PPP6R1: variants seen among roughly 807,000 people sequenced by gnomAD.
The protein encoded by PPP6R1 is protein phosphatase 6 regulatory subunit 1.
In PPP6R1, 39 loss-of-function variants were observed where a neutral mutation model predicts 104.6. That is an observed-to-expected ratio of 0.37 (90% confidence interval 0.29 to 0.49). The LOEUF (loss-of-function observed/expected upper bound fraction) is 0.49. Ranked by LOEUF, PPP6R1 falls within the 20% of genes least tolerant of loss-of-function variation. The pLI, the probability that PPP6R1 is intolerant of heterozygous loss-of-function variation, is 0.98. For synonymous variants in PPP6R1, 549 were observed against 479.0 expected, an observed-to-expected ratio of 1.15 and a Z score of -1.91; for missense variants, 1,181 against 1,155.8, an observed-to-expected ratio of 1.02 and a Z score of -0.32.
At chr19:55,257,898 G>A (rs2087606009) in intron 1 of PPP6R1, among the ~76,000 whole-genome samples, 1 of 152,244 alleles carries the variant, frequency 6.6e-6, no homozygotes, top group African/African-American at 2.4e-5. Context: ...CTCCAGAGAA[G>A]CCCCGCTCCC....
chr19:55,245,057 T>C lies in PPP6R1; in HGVS notation c.618+63A>G. On this transcript the variant is annotated intron_variant, in intron 5 of 23. Coordinates refer to ENST00000412770, the MANE Select transcript of PPP6R1 (RefSeq NM_014931.4). The surrounding 1 kb of genome is among the most constrained non-coding windows in gnomAD (Gnocchi z 6.4). ...CCAGCCCCAATTCCTCTTTTAAAAG[T>C]GGGGAAGTGGGCATGGGGAAGGAAC... is the stretch of plus-strand genomic sequence containing the variant. 1 of 1,581,956 alleles carries C rather than the reference T, an allele frequency of 6.3e-7. No homozygotes were observed. The highest frequency in any genetic ancestry group is 8.6e-7 in the Non-Finnish European group (1 of 1,161,448).
At chr19:55,233,771 G>C (rs547520770) in intron 17 of PPP6R1, among the ~76,000 whole-genome samples, 22 of 152,256 alleles carry the variant, frequency 1.4e-4, no homozygotes, top group African/African-American at 5.3e-4. Context: ...ATTGTTGAAA[G>C]AAATTTTAAG....
In PPP6R1 at chr19:55,245,800, C is replaced by T. The variant is rs1209406856; in HGVS notation, c.228-122G>A. 3 of 818,610 alleles carry T rather than the reference C, an allele frequency of 3.7e-6. No individual in the cohort carries two copies. Among genetic ancestry groups the T allele is most frequent in the Admixed American group, 2.5e-5 (1 of 39,964 alleles). The allele number at this position is 818,610 out of a possible 1,614,324, so 50.7% of individuals were successfully genotyped here. A position where few individuals can be genotyped will look rare whatever the true frequency, so the allele number is the denominator to read the frequency against. On this transcript the variant is annotated intron_variant, in intron 2 of 23. Transcript: ENST00000412770. The surrounding 1 kb of genome is among the most constrained non-coding windows in gnomAD (Gnocchi z 6.4). ...TCTGGGAACTGCAGAGACCCCTGTC[C>T]AGGAAGGGGAAAGGGCAGAGGACAG...
intron 17 of PPP6R1, 100 bp from the exon 18 acceptor site, chr19:55,232,311 G>A (rs1018446056): frequency 6.9e-7 from 1 of 1,443,554 alleles, no homozygotes; most frequent in East Asian, 2.5e-5. Context: ...AGAGCGGGCT[G>A]GGATGACAGG....
At chr19:55,237,295 G>T (rs968115215) in intron 15 of PPP6R1, among the ~76,000 whole-genome samples, 3 of 152,142 alleles carry the variant, frequency 2.0e-5, no homozygotes, top group African/African-American at 7.2e-5. Flanking sequence ...GCCAGAGAGG[G>T]ATTCAGATCC....
At chr19:55,236,320 A>G (rs2048219914) in intron 17 of PPP6R1, 1 of 260,916 alleles carries the variant, frequency 3.8e-6, no homozygotes, top group Non-Finnish European at 7.2e-6. Flanking sequence ...ATGCCCATCT[A>G]ACTTTTGTAT....
downstream of PPP6R1, chr19:55,228,626 C>T (rs534192361): frequency 1.1e-4 from 173 of 1,566,042 alleles, 2 homozygotes; most frequent in South Asian, 1.0e-3. Context: ...CTCCCAGACC[C>T]GCCGGCTGCT....
chr19:55,245,260 C>T lies in PPP6R1; in HGVS notation c.552+5G>A. On this transcript the variant is annotated splice_donor_5th_base_variant and intron_variant, in intron 4 of 23. Coordinates refer to ENST00000412770, the MANE Select transcript of PPP6R1 (RefSeq NM_014931.4). The surrounding 1 kb of genome is among the most constrained non-coding windows in gnomAD (Gnocchi z 6.4). ...CCCACCCCCAGAGGAGCCGGCCCTG[C>T]TCACATTGACAACATCCTGCCTCAG... The T allele has an allele frequency of 1.9e-6, 3 of 1,596,752 alleles. No homozygotes were observed. Among genetic ancestry groups the T allele is most frequent in the Non-Finnish European group, 1.7e-6 (2 of 1,172,104 alleles).
chr19:55,241,707 C>A lies in PPP6R1; in HGVS notation c.846-68G>T. 6.8e-7 allele frequency: 1 copy of A among 1,464,618 alleles called. No homozygotes were observed. Among genetic ancestry groups the A allele is most frequent in the Admixed American group, 2.5e-5 (1 of 40,274 alleles). 90.7% of individuals were successfully genotyped at this position (1,464,618 alleles called of 1,614,324 possible). A position where few individuals can be genotyped will look rare whatever the true frequency, so the allele number is the denominator to read the frequency against. On this transcript the variant is annotated intron_variant, in intron 7 of 23. Transcript: ENST00000412770. This position sits in a 1 kb window ranked among gnomAD's most constrained non-coding sequence, Gnocchi z 5.4. ...CTGTGCGCCCACACAGGAGTAGGCA[C>A]AAGGACCACGTCTGCAGGGTCTGGA...
In PPP6R1 at chr19:55,242,393, C is replaced by A; in HGVS notation, c.714G>T (p.Leu238=). The change falls in exon 6 of 24, where the codon CTG becomes CTT. Residue 238 remains leucine, a synonymous_variant. Transcript: ENST00000412770. ...ACACCCACTTCTCCAGGGTGGCCAGCAGTTGGTCAGGCTCTGGGCTGTCCT... is the reference window on the plus strand; with the variant it reads ...ACACCCACTTCTCCAGGGTGGCCAGAAGTTGGTCAGGCTCTGGGCTGTCCT... ...QVQDSPEPDQ[L]LATLEKQETI... 6.2e-7 allele frequency: 1 copy of A among 1,613,760 alleles called. No homozygotes were observed. The highest frequency in any genetic ancestry group is 8.5e-7 in the Non-Finnish European group (1 of 1,179,640).
In PPP6R1 at chr19:55,245,006, G is replaced by A. The variant is rs1020675981; in HGVS notation, c.618+114C>T. 9.6e-6 allele frequency: 14 copies of A among 1,465,304 alleles called. No individual in the cohort carries two copies. The highest frequency in any genetic ancestry group is 1.2e-5 in the Non-Finnish European group (13 of 1,076,230). 90.8% of individuals were successfully genotyped at this position (1,465,304 alleles called of 1,614,324 possible). On this transcript the variant is annotated intron_variant, in intron 5 of 23. Coordinates refer to ENST00000412770, the MANE Select transcript of PPP6R1 (RefSeq NM_014931.4). The surrounding 1 kb of genome is among the most constrained non-coding windows in gnomAD (Gnocchi z 6.4). ...TCCCACCTCGCCCTCCCAAAGTGCT[G>A]GAATTACAGGCGTGAGCCACTGCGT...
In PPP6R1 at chr19:55,257,485, G is replaced by T. The variant is rs540163060; in HGVS notation, c.-7+950C>A. Among the ~76,000 whole-genome samples, 5 of 152,322 alleles carry T rather than the reference G, an allele frequency of 3.3e-5. No individual in the cohort carries two copies. In the South Asian group the frequency reaches 8.3e-4, roughly 25 times the overall value. On this transcript the variant is annotated intron_variant, in intron 1 of 23. Transcript: ENST00000412770. ...GAGGCCTGGATAAGCACGCCGGGCG[G>T]AACTACTCTGCCCCTCACCCTCCCA...
chr19:55,230,734 C>T, intron 22 of PPP6R1, 40 bp downstream of exon 22: 2 of 1,466,732 alleles, frequency 1.4e-6, no homozygotes, highest in Non-Finnish European at 1.8e-6. Flanking sequence ...GCCCCACCAG[C>T]CCCACCCCCA....
At position 55,236,940 on chromosome 19, in the gene PPP6R1, G is replaced by C. The variant is rs745945247; in HGVS notation, c.1782C>G (p.Thr594=). The C allele has an allele frequency of 6.2e-7, 1 of 1,613,378 alleles. No individual in the cohort carries two copies. Among genetic ancestry groups the C allele is most frequent in the Non-Finnish European group, 8.5e-7 (1 of 1,179,300 alleles). The part of the protein sequence containing the change: ...NAPFDKTANI[T]FSLNADDENP... ...TCTCATCGTCAGCATTGAGGGAGAAGGTGATGTTGGCTGTCTTGTCAAAAG... is the reference window on the plus strand; with the variant it reads ...TCTCATCGTCAGCATTGAGGGAGAACGTGATGTTGGCTGTCTTGTCAAAAG... The change falls in exon 16 of 24, where the codon ACC becomes ACG. Residue 594 remains threonine, a synonymous_variant. Coordinates refer to ENST00000412770, the MANE Select transcript of PPP6R1 (RefSeq NM_014931.4).
Position 55,240,963 on chromosome 19 carries a change from T to C in PPP6R1, c.1278A>G (p.Gln426=), listed in dbSNP as rs760683715. ...AGCTCACATGTTTCACAACAGGGTT[T>C]TGGATGGGCGTCTCAGGGCTGCTGT... ...PPDSSPETPI[Q]NPVVKHLLQQ... The change falls in exon 10 of 24, where the codon CAA becomes CAG. Residue 426 remains glutamine, a synonymous_variant. Coordinates refer to ENST00000412770, the MANE Select transcript of PPP6R1 (RefSeq NM_014931.4). The C allele has an allele frequency of 1.2e-5, 20 of 1,605,414 alleles. No homozygotes were observed. Among genetic ancestry groups the C allele is most frequent in the South Asian group, 7.9e-5 (7 of 88,786 alleles).
chr19:55,256,396 G>A (rs2087593662), intron 1 of PPP6R1, among the ~76,000 whole-genome samples: 1 of 152,232 alleles, frequency 6.6e-6, no homozygotes, highest in African/African-American at 2.4e-5. Flanking sequence ...ACCAGATACT[G>A]GCAGCATTCC....
intron 17 of PPP6R1, chr19:55,232,485 G>A (rs1039677911): frequency 3.8e-5 from 17 of 453,082 alleles, no homozygotes; most frequent in Non-Finnish European, 5.5e-5. Context: ...CCCTGGGGAA[G>A]TGGGCTGAGC....
chr19:55,242,960 T>C (rs1219985927), intron 5 of PPP6R1, among the ~76,000 whole-genome samples: 1 of 151,416 alleles, frequency 6.6e-6, no homozygotes, highest in Non-Finnish European at 1.5e-5. Context: ...CAAAGACAAA[T>C]CCACAGAGAC....
At position 55,246,958 on chromosome 19, in the gene PPP6R1, A is replaced by C; in HGVS notation, c.146T>G (p.Leu49Arg). The C allele has an allele frequency of 6.2e-7, 1 of 1,613,862 alleles. No individual in the cohort carries two copies. Among genetic ancestry groups the C allele is most frequent in the Non-Finnish European group, 8.5e-7 (1 of 1,179,870 alleles). ...CATTGCTTGCAGGTGGGGTGGCTGC[A>C]GCAGGAAGTCCAGCAGCTTGCGGTT... Reference protein sequence around the residue: ...VVNRKLLDFLLQPPHLQAMVA... With the variant: ...VVNRKLLDFLRQPPHLQAMVA... The change falls in exon 2 of 24, where the codon CTG becomes CGG. Residue 49 changes from leucine (L) to arginine (R), a missense_variant. Transcript: ENST00000412770.
Sources: allele counts gnomAD v4.1 joint callset (sites outside exome capture counted in the v4.1 genomes callset), GRCh38; gene constraint gnomAD v4.1.1; non-coding constraint Gnocchi (gnomAD v3.1); transcripts MANE v1.5; gene names NCBI Gene and HGNC (gene_info 2026-07-23, HGNC 2026-07-21).